Variants in CNOT6L observed in about 807,000 individuals in gnomAD.
CNOT6L encodes CCR4-NOT transcription complex subunit 6-like.
A neutral mutation model predicts 64.0 loss-of-function variants in CNOT6L; 7 were observed. The observed-to-expected ratio is 0.11, with a 90% CI of 0.06 to 0.21. The LOEUF is 0.21. Ranked by LOEUF, CNOT6L falls within the 10% of genes least tolerant of loss-of-function variation. CNOT6L has a pLI of 1.00. For synonymous variants in CNOT6L, 193 were observed against 243.4 expected (o/e 0.79, Z 1.93); for missense variants, 245 against 669.0 (o/e 0.37, Z 6.99).
intron 8 of CNOT6L, among the ~76,000 whole-genome samples, chr4:77,736,154 C>T (rs1722920394): frequency 6.6e-6 from 1 of 152,174 alleles, no homozygotes; most frequent in South Asian, 2.1e-4. Flanking sequence ...AACTAACACT[C>T]CCTTCCACTG....
At chr4:77,777,928 C>T (rs1728329647) in intron 1 of CNOT6L, among the ~76,000 whole-genome samples, 1 of 152,188 alleles carries the variant, frequency 6.6e-6, no homozygotes, top group African/African-American at 2.4e-5. Context: ...CATTCCTTTC[C>T]ACTTACTTAA....
rs1722797996 is a variant in CNOT6L at position 77,735,041 on chromosome 4, T to G, written c.873-3503A>C. On this transcript the variant is annotated intron_variant, in intron 8 of 11. Coordinates refer to ENST00000504123, the MANE Select transcript of CNOT6L (RefSeq NM_144571.3). ...CTCAGATTCCTCATCAGGGATTGCT[T>G]CAGTTGCAGAAAGCTGCCTACTCAT... is the stretch of plus-strand genomic sequence containing the variant. 2.6e-5 allele frequency among the ~76,000 whole-genome samples: 4 copies of G among 152,262 alleles called. No individual in the cohort carries two copies. In the South Asian group the frequency reaches 8.3e-4, roughly 32 times the overall value.
rs183565984 is a variant in CNOT6L, at chr4:77,811,395, G to A, written c.5+7909C>T. 7.2e-5 allele frequency among the ~76,000 whole-genome samples: 11 copies of A among 152,058 alleles called. No individual in the cohort carries two copies. In the East Asian group the frequency reaches 1.6e-3, roughly 21 times the overall value. On this transcript the variant is annotated intron_variant, in intron 1 of 11. Transcript: ENST00000504123. ...ATCTCTACTAAAAGTACAAAATCCC[G>A]TCTCTACTAAAAGTACAAAAATTAG...
At chr4:77,768,090 G>A (rs1008515085) in intron 4 of CNOT6L, among the ~76,000 whole-genome samples, 1 of 151,826 alleles carries the variant, frequency 6.6e-6, no homozygotes, top group African/African-American at 2.4e-5. Context: ...TCTGATCCGG[G>A]AAGGGCAAGA....
intron 1 of CNOT6L, among the ~76,000 whole-genome samples, chr4:77,799,454 C>T (rs1319616813): frequency 6.6e-6 from 1 of 152,044 alleles, no homozygotes; most frequent in East Asian, 1.9e-4. Flanking sequence ...CCTGTAATCC[C>T]AGCACTTTCG....
chr4:77,772,998 CATACTAAAACTT>C (rs1727749476), intron 4 of CNOT6L, 71 bp downstream of exon 4: 3 of 756,612 alleles, frequency 4.0e-6, no homozygotes, highest in Non-Finnish European at 6.7e-6. Context: ...TTCTAAAACT[CATACTAAAACTT>C]GACCTTTTTA....
chr4:77,768,073 A>T (rs1200090188), intron 4 of CNOT6L, among the ~76,000 whole-genome samples: 1 of 152,166 alleles, frequency 6.6e-6, no homozygotes, highest in Admixed American at 6.5e-5. Flanking sequence ...ATACAAGAGA[A>T]TATATTTCTG....
At chr4:77,754,691 A>C (rs1288649153) in intron 5 of CNOT6L, among the ~76,000 whole-genome samples, 1 of 151,908 alleles carries the variant, frequency 6.6e-6, no homozygotes, top group Admixed American at 6.6e-5. Flanking sequence ...ATAATTAAAC[A>C]CTGTTACATT....
intron 4 of CNOT6L, among the ~76,000 whole-genome samples, chr4:77,768,474 A>ATAT (rs1727124850): frequency 2.3e-3 from 30 of 13,086 alleles, no homozygotes; most frequent in Non-Finnish European, 3.1e-3. Context: ...AAAATAAATA[A>ATAT]ATATATATAT....
At chr4:77,720,996 TATA>T (rs746962024) in intron 11 of CNOT6L, among the ~76,000 whole-genome samples, 8 of 152,314 alleles carry the variant, frequency 5.3e-5, no homozygotes, top group South Asian at 2.1e-4. Flanking sequence ...TCCTATTGGC[TATA>T]ATAAGTAGAA....
In CNOT6L at chr4:77,716,666, G is replaced by A. The variant is rs1193334888; in HGVS notation, c.*3765C>T. Reference sequence around the variant, plus strand: ...AATCTACCATAGAATCAAGTGATATGAGCCTTAGATATCTTTCAACTTTCT... The same window carrying A: ...AATCTACCATAGAATCAAGTGATATAAGCCTTAGATATCTTTCAACTTTCT... On this transcript the variant is annotated 3_prime_UTR_variant, in exon 12 of 12. Transcript: ENST00000504123. The A allele has an allele frequency of 6.6e-6, 1 of 152,450 alleles. No homozygotes were observed. Among genetic ancestry groups the A allele is most frequent in the Non-Finnish European group, 1.5e-5 (1 of 68,004 alleles). The allele number at this position is 152,450 out of a possible 1,614,324, so 9.4% of individuals were successfully genotyped here.
intron 4 of CNOT6L, among the ~76,000 whole-genome samples, chr4:77,768,474 A>ATATATATATATAT (rs1727124850): frequency 2.5e-3 from 33 of 13,048 alleles, no homozygotes; most frequent in Non-Finnish European, 4.1e-3. Flanking sequence ...AAAATAAATA[A>ATATATATATATAT]ATATATATAT....
chr4:77,813,345 T>C (rs1341738531), intron 1 of CNOT6L, among the ~76,000 whole-genome samples: 1 of 151,984 alleles, frequency 6.6e-6, no homozygotes, highest in African/African-American at 2.4e-5. Flanking sequence ...TTAGATAGAT[T>C]AGCTAGATTA....
chr4:77,737,175 T>C (rs973352418), intron 8 of CNOT6L, among the ~76,000 whole-genome samples: 1 of 152,176 alleles, frequency 6.6e-6, no homozygotes, highest in African/African-American at 2.4e-5. Context: ...GTCAAGACAA[T>C]AGTATAATCA....
intron 1 of CNOT6L, among the ~76,000 whole-genome samples, chr4:77,806,051 T>G (rs1732181023): frequency 6.6e-6 from 1 of 152,234 alleles, no homozygotes; most frequent in Admixed American, 6.5e-5. Flanking sequence ...CTTTATATTT[T>G]AACTTTTTTT....
intron 8 of CNOT6L, among the ~76,000 whole-genome samples, chr4:77,735,490 T>C (rs1722850825): frequency 6.6e-6 from 1 of 152,186 alleles, no homozygotes; most frequent in Non-Finnish European, 1.5e-5. Context: ...CAGATTACCT[T>C]TGCCAGTTCT....
At chr4:77,770,866 T>C (rs1577967889) in intron 4 of CNOT6L, among the ~76,000 whole-genome samples, 1 of 152,210 alleles carries the variant, frequency 6.6e-6, no homozygotes, top group South Asian at 2.1e-4. Flanking sequence ...ACTAAGGAGA[T>C]AATATTCAAA....
chr4:77,798,496 T>TA (rs1303321218), intron 1 of CNOT6L, among the ~76,000 whole-genome samples: 5 of 152,062 alleles, frequency 3.3e-5, no homozygotes, highest in Non-Finnish European at 7.4e-5. Context: ...ATATTGATGG[T>TA]AAAAAAGTAC....
chr4:77,762,314 C>T (rs1726329049), intron 4 of CNOT6L, among the ~76,000 whole-genome samples: 2 of 152,106 alleles, frequency 1.3e-5, no homozygotes, highest in African/African-American at 4.8e-5. Flanking sequence ...AACTTATAAT[C>T]CCTGTATCAT....
Sources: gnomAD v4.1 joint callset for allele counts (sites outside exome capture counted in the v4.1 genomes callset) on GRCh38, gnomAD v4.1.1 for gene constraint, MANE v1.5 for transcripts, NCBI Gene and HGNC (gene_info 2026-07-23, HGNC 2026-07-21) for gene names.